PRH1: variants seen among roughly 807,000 people sequenced by gnomAD.
The protein encoded by PRH1 is salivary acidic proline-rich phosphoprotein 1/2.
A neutral mutation model predicts 7.9 loss-of-function variants in PRH1; 7 were observed. The ratio of observed to expected loss-of-function variants is 0.89; its 90% CI spans 0.50 to 1.67. PRH1 has a LOEUF of 1.67. Ranked by LOEUF, PRH1 falls within the 40% of genes most tolerant of loss-of-function variation. The probability of loss-of-function intolerance (pLI) is 0.00; values close to 1 mark genes in which losing one functional copy is unlikely to be tolerated. For synonymous variants in PRH1, 45 were observed against 80.8 expected (o/e 0.56, Z 2.38); for missense variants, 109 against 223.6 (o/e 0.49, Z 3.27).
At chr12:11,136,545 C>T (rs906783157) in intron 1 of PRH1, among the ~76,000 whole-genome samples, 8 of 151,846 alleles carry the variant, frequency 5.3e-5, no homozygotes, top group African/African-American at 1.7e-4. Flanking sequence ...AAAACTACTT[C>T]AAGTAAATTT....
At chr12:11,006,699 C>A (rs1443748305) in intron 1 of PRH1, among the ~76,000 whole-genome samples, 1 of 152,086 alleles carries the variant, frequency 6.6e-6, no homozygotes, top group Non-Finnish European at 1.5e-5. Flanking sequence ...CCTTTAATAT[C>A]TAGACCTTAA....
intron 1 of PRH1, among the ~76,000 whole-genome samples, chr12:11,124,389 C>G (rs1019047737): frequency 6.6e-6 from 1 of 152,270 alleles, no homozygotes; most frequent in Admixed American, 6.5e-5. Flanking sequence ...CTAAAATCCT[C>G]TCTTTAGAAA....
intron 1 of PRH1, among the ~76,000 whole-genome samples, chr12:11,025,368 G>A (rs1389838176): frequency 1.4e-5 from 2 of 142,114 alleles, no homozygotes; most frequent in African/African-American, 5.0e-5. Flanking sequence ...TTGAAGACAT[G>A]ATTCCCATTA....
intron 1 of PRH1, chr12:11,091,808 G>A (rs756327766): frequency 4.0e-6 from 6 of 1,506,214 alleles, no homozygotes; most frequent in Middle Eastern, 1.7e-4. Context: ...AAGATGACAA[G>A]CCAAAAATAG....
chr12:11,137,562 G>A (rs1039907865), intron 1 of PRH1, among the ~76,000 whole-genome samples: 3 of 152,102 alleles, frequency 2.0e-5, no homozygotes, highest in Admixed American at 2.0e-4. Flanking sequence ...TTTCTTACTA[G>A]GGAGGTTTAG....
chr12:11,039,741 C>T (rs1315992599), intron 1 of PRH1, among the ~76,000 whole-genome samples: 2 of 152,338 alleles, frequency 1.3e-5, no homozygotes, highest in East Asian at 3.9e-4. Context: ...CTCAGAAAGG[C>T]CAATAATCCT....
At chr12:10,981,586 G>A (rs1939358228) in intron 1 of PRH1, among the ~76,000 whole-genome samples, 1 of 152,014 alleles carries the variant, frequency 6.6e-6, no homozygotes, top group African/African-American at 2.4e-5. Flanking sequence ...TGTTGGCCAG[G>A]CTGATCTCGA....
chr12:11,050,799 A>T (rs139146535), upstream of PRH1, among the ~76,000 whole-genome samples: 48 of 152,406 alleles, frequency 3.1e-4, no homozygotes, highest in Admixed American at 9.8e-4. Context: ...AAATTAGTAG[A>T]CTTTACACAG....
intron 1 of PRH1, among the ~76,000 whole-genome samples, chr12:11,019,875 G>C (rs1046036982): frequency 2.6e-5 from 4 of 152,286 alleles, no homozygotes; most frequent in African/African-American, 9.6e-5. Context: ...TCTTGTCATG[G>C]GGTCTGCTAG....
rs555868479 is a variant in PRH1, at chr12:10,927,119, T to G, written c.-58-42844A>C. 3.3e-5 allele frequency among the ~76,000 whole-genome samples: 5 copies of G among 152,312 alleles called. No homozygotes were observed. In the South Asian group the frequency reaches 8.3e-4, roughly 25 times the overall value. The stretch of plus-strand genomic sequence containing the variant: ...TGCTGATTGTTGACATTGGAGAAGG[T>G]CATGGAAGGGACCTGAGCTGAGCGA... On this transcript the variant is annotated intron_variant, in intron 2 of 3. Coordinates refer to the PRH1 transcript ENST00000539853.
At chr12:10,973,518 C>T in intron 2 of PRH1, 1 of 548,880 alleles carries the variant, frequency 1.8e-6, no homozygotes, top group Non-Finnish European at 3.3e-6. Context: ...ATAACAATAC[C>T]CTCCTTGAGT....
At chr12:10,936,055 G>A (rs376378470) in intron 2 of PRH1, among the ~76,000 whole-genome samples, 20 of 152,090 alleles carry the variant, frequency 1.3e-4, no homozygotes, top group African/African-American at 3.6e-4. Context: ...TGGGGCATTC[G>A]ATGATGAAGC....
At chr12:10,967,007 T>C (rs10845255) in intron 2 of PRH1, among the ~76,000 whole-genome samples, 36,871 of 150,548 alleles carry the variant, frequency 0.24, 4,532 homozygotes, top group Non-Finnish European at 0.25. Context: ...CCCAGCTACT[T>C]GGGAGGCTGA....
At chr12:11,108,684 A>T (rs1298984930) in intron 1 of PRH1, among the ~76,000 whole-genome samples, 1 of 152,114 alleles carries the variant, frequency 6.6e-6, no homozygotes, top group Non-Finnish European at 1.5e-5. Context: ...AAACCAGGAG[A>T]TTTCCTCCAG....
intron 1 of PRH1, among the ~76,000 whole-genome samples, chr12:11,052,911 T>C (rs1041743148): frequency 6.8e-6 from 1 of 148,030 alleles, no homozygotes; most frequent in Non-Finnish European, 1.5e-5. Context: ...TAAAAATGTT[T>C]CTGATTTTTT....
intron 1 of PRH1, among the ~76,000 whole-genome samples, chr12:11,014,413 C>T (rs570252989): frequency 3.9e-5 from 6 of 152,056 alleles, no homozygotes; most frequent in Non-Finnish European, 8.8e-5. Flanking sequence ...ACCTTGGGAA[C>T]ATAGACTCTC....
At chr12:11,093,491 T>C (rs1944993845) in intron 1 of PRH1, among the ~76,000 whole-genome samples, 1 of 116,526 alleles carries the variant, frequency 8.6e-6, no homozygotes, top group African/African-American at 2.9e-5. Flanking sequence ...ATGAAATTAG[T>C]CCTATTTTCC....
intron 1 of PRH1, among the ~76,000 whole-genome samples, chr12:11,004,247 C>A (rs893964996): frequency 6.6e-6 from 1 of 152,124 alleles, no homozygotes; most frequent in African/African-American, 2.4e-5. Context: ...GTAATCCCAG[C>A]ACTTTGGGAA....
upstream of PRH1, chr12:11,048,790 T>C (rs1312315994): frequency 1.3e-5 from 4 of 299,466 alleles, no homozygotes; most frequent in East Asian, 2.3e-4. Flanking sequence ...TTCATATTCT[T>C]TTGTCCACAC....
Sources: allele counts gnomAD v4.1 joint callset (sites outside exome capture counted in the v4.1 genomes callset), GRCh38; gene constraint gnomAD v4.1.1; transcripts MANE v1.5; gene names NCBI Gene and HGNC (gene_info 2026-07-23, HGNC 2026-07-21).